The following SCHIP1 variants were observed in gnomAD, a reference collection of about 807,000 sequenced individuals.
The protein encoded by SCHIP1 is schwannomin interacting protein 1, also known as schwannomin-interacting protein 1.
In SCHIP1, 8 loss-of-function variants were observed where a neutral mutation model predicts 29.7. The ratio of observed to expected loss-of-function variants is 0.27; its 90% CI spans 0.16 to 0.49. The LOEUF (loss-of-function observed/expected upper bound fraction) is 0.49, where lower values mean the gene tolerates loss of function less well. SCHIP1 is among the 20% of genes least tolerant of loss of function. The pLI, the probability that SCHIP1 is intolerant of heterozygous loss-of-function variation, is 0.99. For missense variants in SCHIP1, 193 were observed against 294.6 expected, an observed-to-expected ratio of 0.66 and a Z score of 2.52; for synonymous variants, 76 against 94.9, an observed-to-expected ratio of 0.80 and a Z score of 1.16.
At chr3:159,629,320 A>G in the SCHIP1 span, among the ~76,000 whole-genome samples, 1 of 152,110 alleles carries the variant, frequency 6.6e-6, no homozygotes, top group African/African-American at 2.4e-5. Flanking sequence ...CAAAACACTG[A>G]ATTTTCTTTT....
the SCHIP1 span, among the ~76,000 whole-genome samples, chr3:159,818,501 G>A: frequency 6.6e-6 from 1 of 152,190 alleles, no homozygotes; most frequent in African/African-American, 2.4e-5. Context: ...TGGAGCCGTG[G>A]TAGAGCACTG....
chr3:159,419,042 C>G, the SCHIP1 span, among the ~76,000 whole-genome samples: 1 of 152,176 alleles, frequency 6.6e-6, no homozygotes, highest in African/African-American at 2.4e-5. Flanking sequence ...GTCCACTTCT[C>G]ATATCTGTTG....
the SCHIP1 span, among the ~76,000 whole-genome samples, chr3:159,570,318 T>C: frequency 2.0e-5 from 3 of 152,220 alleles, no homozygotes; most frequent in African/African-American, 7.2e-5. Context: ...ATTAATTTTT[T>C]GTATAAGATG....
chr3:159,791,467 G>A, the SCHIP1 span, among the ~76,000 whole-genome samples: 1 of 152,250 alleles, frequency 6.6e-6, no homozygotes, highest in Non-Finnish European at 1.5e-5. Context: ...ATAGCCCTCA[G>A]GGAGGGGAGA....
chr3:159,754,275 C>T, the SCHIP1 span, among the ~76,000 whole-genome samples: 64,961 of 152,010 alleles, frequency 0.43, 14,999 homozygotes, highest in Middle Eastern at 0.54. Flanking sequence ...TATGAGAGTT[C>T]CTTTGATCAC....
At chr3:159,290,389 A>C in the SCHIP1 span, among the ~76,000 whole-genome samples, 1 of 152,200 alleles carries the variant, frequency 6.6e-6, no homozygotes, top group East Asian at 1.9e-4. Flanking sequence ...AATGGAACTA[A>C]TGAAAATGTT....
the SCHIP1 span, among the ~76,000 whole-genome samples, chr3:159,546,484 A>G: frequency 1.3e-5 from 2 of 152,048 alleles, no homozygotes; most frequent in African/African-American, 4.8e-5. Flanking sequence ...TACATGTGCC[A>G]TGGTGGTTTG....
the SCHIP1 span, among the ~76,000 whole-genome samples, chr3:159,288,512 C>T: frequency 0.028 from 4,277 of 152,064 alleles, 196 homozygotes; most frequent in African/African-American, 0.097. Flanking sequence ...CCGGGGCGGG[C>T]GGATCATCTG....
the SCHIP1 span, among the ~76,000 whole-genome samples, chr3:159,781,840 G>A: frequency 5.6e-4 from 85 of 152,288 alleles, no homozygotes; most frequent in Middle Eastern, 0.01. Context: ...CTTCTCTGTG[G>A]CACAGGACCA....
chr3:159,740,767 A>C, the SCHIP1 span, among the ~76,000 whole-genome samples: 1 of 129,440 alleles, frequency 7.7e-6, no homozygotes, highest in South Asian at 2.8e-4. Flanking sequence ...TATTCAAAAA[A>C]AAAGAAAAAA....
intron 2 of SCHIP1, among the ~76,000 whole-genome samples, chr3:159,868,064 CAT>C (rs1029953014): frequency 6.9e-6 from 1 of 143,988 alleles, no homozygotes; most frequent in Admixed American, 7.0e-5. Flanking sequence ...TGTACATATA[CAT>C]ATATATGGGT....
the SCHIP1 span, among the ~76,000 whole-genome samples, chr3:159,799,102 C>G: frequency 6.6e-6 from 1 of 152,136 alleles, no homozygotes; most frequent in African/African-American, 2.4e-5. Flanking sequence ...TTCCTTTACT[C>G]TGGTGTTCAA....
At chr3:159,732,265 C>CA in the SCHIP1 span, among the ~76,000 whole-genome samples, 2 of 152,214 alleles carry the variant, frequency 1.3e-5, no homozygotes, top group African/African-American at 2.4e-5. Context: ...GCTTCTTGCC[C>CA]AAACAGGTTC....
the SCHIP1 span, among the ~76,000 whole-genome samples, chr3:159,743,909 A>T: frequency 1.3e-5 from 2 of 152,208 alleles, no homozygotes. Context: ...TAAAAGTTTA[A>T]TTTAAAAAAT....
chr3:159,464,241 T>A, the SCHIP1 span, among the ~76,000 whole-genome samples: 2 of 152,196 alleles, frequency 1.3e-5, no homozygotes, highest in South Asian at 4.1e-4. Flanking sequence ...CACTGGCAAC[T>A]GTCTGCACAT....
intron 2 of SCHIP1, among the ~76,000 whole-genome samples, chr3:159,867,539 C>T (rs895586768): frequency 1.3e-5 from 2 of 152,142 alleles, no homozygotes; most frequent in Non-Finnish European, 2.9e-5. Context: ...GACAAGAGTG[C>T]CAGTTTCACC....
At chr3:159,795,393 A>G in the SCHIP1 span, among the ~76,000 whole-genome samples, 2 of 152,216 alleles carry the variant, frequency 1.3e-5, no homozygotes, top group African/African-American at 4.8e-5. Flanking sequence ...TCTCTGCCTC[A>G]GTTTCCTCAC....
At chr3:159,379,958 C>G in the SCHIP1 span, among the ~76,000 whole-genome samples, 1 of 152,140 alleles carries the variant, frequency 6.6e-6, no homozygotes, top group African/African-American at 2.4e-5. Context: ...TCTTTGTTTT[C>G]TAGCAGGGAG....
At chr3:159,286,753 A>G in the SCHIP1 span, among the ~76,000 whole-genome samples, 1 of 152,098 alleles carries the variant, frequency 6.6e-6, no homozygotes, top group Non-Finnish European at 1.5e-5. Context: ...TTGACTTTTT[A>G]ATAATGATCA....
Sources: gnomAD v4.1 joint callset for allele counts (sites outside exome capture counted in the v4.1 genomes callset) on GRCh38, gnomAD v4.1.1 for gene constraint, MANE v1.5 for transcripts, NCBI Gene and HGNC (gene_info 2026-07-23, HGNC 2026-07-21) for gene names.